The following SRD5A2 variants were observed in gnomAD, a reference collection of about 807,000 sequenced individuals.
SRD5A2 encodes the protein 3-oxo-5-alpha-steroid 4-dehydrogenase 2.
In SRD5A2, 30 loss-of-function variants were observed where a neutral mutation model predicts 27.4. The ratio of observed to expected loss-of-function variants is 1.10; its 90% CI spans 0.82 to 1.49. The LOEUF (loss-of-function observed/expected upper bound fraction) is 1.49, where lower values mean the gene tolerates loss of function less well. Among genes scored for constraint, SRD5A2 ranks in the 40% most tolerant of loss-of-function variants. SRD5A2 has a pLI of 0.00. For synonymous variants in SRD5A2, 141 were observed against 133.6 expected, an observed-to-expected ratio of 1.06 and a Z score of -0.38; for missense variants, 348 against 323.4, an observed-to-expected ratio of 1.08 and a Z score of -0.58.
upstream of SRD5A2, among the ~76,000 whole-genome samples, chr2:31,581,856 G>C (rs893151325): frequency 6.6e-6 from 1 of 152,166 alleles, no homozygotes; most frequent in Non-Finnish European, 1.5e-5. Context: ...CTGTCTAGCC[G>C]TCATACACGC....
chr2:31,582,913 C>T (rs1356633599), upstream of SRD5A2, among the ~76,000 whole-genome samples: 1 of 130,698 alleles, frequency 7.7e-6, no homozygotes, highest in East Asian at 2.1e-4. Flanking sequence ...CTATTTCAAA[C>T]CCAGCTCAAT....
At chr2:31,620,957 TTAATA>T in the SRD5A2 span, among the ~76,000 whole-genome samples, 525 of 147,130 alleles carry the variant, frequency 3.6e-3, 3 homozygotes, top group African/African-American at 0.012. Context: ...GTAAATATAA[TTAATA>T]TAATATATAA....
rs1666200722 is a variant in SRD5A2 at position 31,544,364 on chromosome 2, C to G, written c.282-10598G>C. On this transcript the variant is annotated intron_variant, in intron 1 of 4. Coordinates refer to ENST00000622030, the MANE Select transcript of SRD5A2 (RefSeq NM_000348.4). ...CAGAAATATACAAAACAACTCTGAC[C>G]ACAACAGGATAAAGTTAGAAATCAA... 3.3e-5 allele frequency among the ~76,000 whole-genome samples: 5 copies of G among 151,554 alleles called. No individual in the cohort carries two copies. The South Asian group carries it at 1.0e-3, about 32-fold the overall frequency.
the SRD5A2 span, among the ~76,000 whole-genome samples, chr2:31,608,180 T>G: frequency 1.8e-4 from 27 of 152,174 alleles, no homozygotes; most frequent in African/African-American, 6.5e-4. Flanking sequence ...CTTATAAAAT[T>G]TATAATATAT....
chr2:31,542,097 G>A (rs1285291519), intron 1 of SRD5A2, among the ~76,000 whole-genome samples: 7 of 152,186 alleles, frequency 4.6e-5, no homozygotes, highest in Non-Finnish European at 1.0e-4. Flanking sequence ...GGTGGCTAAG[G>A]AAGTGCTTGT....
chr2:31,653,485 CAT>C, the SRD5A2 span, among the ~76,000 whole-genome samples: 3 of 152,134 alleles, frequency 2.0e-5, no homozygotes, highest in African/African-American at 7.2e-5. Flanking sequence ...CTTTTCTTTA[CAT>C]AAGATTGTTT....
At chr2:31,655,095 AT>A in the SRD5A2 span, among the ~76,000 whole-genome samples, 3 of 152,088 alleles carry the variant, frequency 2.0e-5, no homozygotes, top group African/African-American at 7.2e-5. Flanking sequence ...GCTTTTTTTA[AT>A]TTTTTTATTT....
the SRD5A2 span, among the ~76,000 whole-genome samples, chr2:31,659,477 A>T: frequency 6.6e-6 from 1 of 152,178 alleles, no homozygotes; most frequent in East Asian, 1.9e-4. Flanking sequence ...AAACAAGTTC[A>T]TCAAAGTTTC....
At chr2:31,662,086 T>G in the SRD5A2 span, among the ~76,000 whole-genome samples, 3 of 152,196 alleles carry the variant, frequency 2.0e-5, no homozygotes, top group Non-Finnish European at 4.4e-5. Context: ...CTTTTACATA[T>G]GTTGGTAAAG....
At chr2:31,650,470 T>C in the SRD5A2 span, among the ~76,000 whole-genome samples, 3 of 152,108 alleles carry the variant, frequency 2.0e-5, no homozygotes, top group Non-Finnish European at 2.9e-5. Context: ...CTTCCCTCTT[T>C]CCTCTATTTA....
At chr2:31,586,898 C>A in the SRD5A2 span, among the ~76,000 whole-genome samples, 1 of 152,114 alleles carries the variant, frequency 6.6e-6, no homozygotes, top group East Asian at 1.9e-4. Flanking sequence ...CACCATGGAC[C>A]AATCCTGGAG....
chr2:31,533,950 GA>G (rs1665971633), intron 1 of SRD5A2, among the ~76,000 whole-genome samples, 184 bp from the exon 2 acceptor site: 1 of 152,006 alleles, frequency 6.6e-6, no homozygotes, highest in Admixed American at 6.6e-5. Context: ...TTACATACCT[GA>G]AAAGTACAAC....
At chr2:31,633,853 C>T in the SRD5A2 span, among the ~76,000 whole-genome samples, 4 of 152,286 alleles carry the variant, frequency 2.6e-5, no homozygotes, top group African/African-American at 9.6e-5. Context: ...ACTTAGCTCA[C>T]ACCTGACCAA....
Position 31,523,575 on chromosome 2 carries a change from T to A in SRD5A2, c.*2621A>T, listed in dbSNP as rs1004479288. 5 of 218,946 alleles carry A rather than the reference T, an allele frequency of 2.3e-5. No homozygotes were observed. The highest frequency in any genetic ancestry group is 1.4e-3 in the Middle Eastern group (1 of 724). The allele number at this position is 218,946 out of a possible 1,614,324, so 13.6% of individuals were successfully genotyped here. A position where few individuals can be genotyped will look rare whatever the true frequency, so the allele number is the denominator to read the frequency against. On this transcript the variant is annotated 3_prime_UTR_variant, in exon 5 of 5. Coordinates refer to ENST00000622030, the MANE Select transcript of SRD5A2 (RefSeq NM_000348.4). ...GCTTCAGCTCTTTAAGTCTAAATTC[T>A]GAAAAACAAACAAAACTCAACATTT...
chr2:31,653,464 C>T, the SRD5A2 span, among the ~76,000 whole-genome samples: 1 of 152,186 alleles, frequency 6.6e-6, no homozygotes, highest in Non-Finnish European at 1.5e-5. Flanking sequence ...ATACCTCACT[C>T]TCTCTTTTGT....
intron 1 of SRD5A2, among the ~76,000 whole-genome samples, chr2:31,551,835 T>C (rs1462131258): frequency 6.6e-6 from 1 of 152,074 alleles, no homozygotes; most frequent in East Asian, 1.9e-4. Context: ...CTGTTGGTGG[T>C]GGGATAGACA....
intron 1 of SRD5A2, among the ~76,000 whole-genome samples, chr2:31,575,257 C>A (rs1369244855): frequency 1.3e-5 from 2 of 152,186 alleles, no homozygotes; most frequent in African/African-American, 4.8e-5. Context: ...GAGACATCTG[C>A]ACCTCTCGTG....
At chr2:31,596,549 C>T in the SRD5A2 span, among the ~76,000 whole-genome samples, 1 of 152,082 alleles carries the variant, frequency 6.6e-6, no homozygotes, top group African/African-American at 2.4e-5. Context: ...GGAAGTCAAA[C>T]TGTCACTGTT....
At chr2:31,588,041 C>T in the SRD5A2 span, among the ~76,000 whole-genome samples, 96 of 151,942 alleles carry the variant, frequency 6.3e-4, no homozygotes, top group African/African-American at 2.2e-3. Flanking sequence ...AGCTTGAAGA[C>T]AAGCTATTTG....
Sources: allele counts gnomAD v4.1 joint callset (sites outside exome capture counted in the v4.1 genomes callset), GRCh38; gene constraint gnomAD v4.1.1; transcripts MANE v1.5; gene names NCBI Gene and HGNC (gene_info 2026-07-23, HGNC 2026-07-21).